The following GALNTL6 variants were observed in gnomAD, a reference collection of about 807,000 sequenced individuals.
GALNTL6 encodes polypeptide N-acetylgalactosaminyltransferase-like 6.
A neutral mutation model predicts 73.7 loss-of-function variants in GALNTL6; 46 were observed. That is an observed-to-expected ratio of 0.62 (90% CI 0.49 to 0.80). GALNTL6 has a LOEUF of 0.80. GALNTL6 is among the 30% of genes least tolerant of loss of function. The probability of loss-of-function intolerance (pLI) is 0.00; values close to 1 mark genes in which losing one functional copy is unlikely to be tolerated. For missense variants in GALNTL6, 604 were observed against 755.0 expected (o/e 0.80, Z 2.34); for synonymous variants, 259 against 263.7 (o/e 0.98, Z 0.17).
chr4:172,484,833 A>G (rs1733614243), intron 5 of GALNTL6, among the ~76,000 whole-genome samples: 1 of 152,184 alleles, frequency 6.6e-6, no homozygotes. Context: ...AGAATTAGAA[A>G]TAGGACTCAA....
At chr4:172,646,250 T>A (rs1397650834) in intron 5 of GALNTL6, among the ~76,000 whole-genome samples, 1 of 152,078 alleles carries the variant, frequency 6.6e-6, no homozygotes. Flanking sequence ...TAGAAAAGAT[T>A]GGGGTTTTGA....
chr4:173,023,637 G>C (rs1175525952), intron 12 of GALNTL6, among the ~76,000 whole-genome samples: 1 of 151,900 alleles, frequency 6.6e-6, no homozygotes, highest in Non-Finnish European at 1.5e-5. Context: ...ACTCCAGCCT[G>C]GGCGACAAGA....
intron 5 of GALNTL6, among the ~76,000 whole-genome samples, chr4:172,799,794 C>T (rs545755918): frequency 6.6e-6 from 1 of 152,284 alleles, no homozygotes; most frequent in South Asian, 2.1e-4. Flanking sequence ...TGAAAGCAAT[C>T]TCTTGAAGAG....
chr4:172,345,587 C>A (rs1207944565), intron 4 of GALNTL6, among the ~76,000 whole-genome samples: 6 of 152,076 alleles, frequency 3.9e-5, no homozygotes, highest in Admixed American at 2.6e-4. Context: ...CCTATTTGAC[C>A]AGCACATTGA....
chr4:172,725,599 A>G (rs190223553), intron 5 of GALNTL6, among the ~76,000 whole-genome samples: 58 of 152,342 alleles, frequency 3.8e-4, no homozygotes, highest in Admixed American at 6.5e-4. Context: ...TAAGATAAAA[A>G]TTGGGTTGAA....
In GALNTL6 at chr4:172,354,720, T is replaced by C. The variant is rs73868975; in HGVS notation, c.553+6031T>C. ...CACCAGTAGCAGAATATGCTTGGAG[T>C]AGAATCTGTCTCAGAAGAAAAGCAC... On this transcript the variant is annotated intron_variant, in intron 5 of 12. Coordinates refer to ENST00000506823, the MANE Select transcript of GALNTL6 (RefSeq NM_001034845.3). Among the ~76,000 whole-genome samples the C allele has an allele frequency of 9.2e-3, 1,403 of 152,210 alleles. 26 individuals carry two copies. Among genetic ancestry groups the C allele is most frequent in the African/African-American group, 0.032 (1,335 of 41,554 alleles).
chr4:172,634,452 G>A (rs1739559825), intron 5 of GALNTL6, among the ~76,000 whole-genome samples: 1 of 152,082 alleles, frequency 6.6e-6, no homozygotes, highest in South Asian at 2.1e-4. Context: ...GAGCTAAGCA[G>A]CTCTGGAACC....
At chr4:172,397,650 T>C (rs1743897100) in intron 5 of GALNTL6, among the ~76,000 whole-genome samples, 1 of 152,078 alleles carries the variant, frequency 6.6e-6, no homozygotes, top group Admixed American at 6.6e-5. Context: ...CGGTCTCTGC[T>C]CACCGCAACC....
chr4:172,907,578 C>G (rs1746967170), intron 8 of GALNTL6, among the ~76,000 whole-genome samples: 1 of 152,220 alleles, frequency 6.6e-6, no homozygotes, highest in African/African-American at 2.4e-5. Flanking sequence ...GTAGATCCCC[C>G]TTATCCATGT....
At chr4:172,208,420 G>T (rs28477989) in intron 2 of GALNTL6, among the ~76,000 whole-genome samples, 1 of 152,014 alleles carries the variant, frequency 6.6e-6, no homozygotes. Context: ...AAAGAAAATC[G>T]TTTAACTATG....
chr4:172,311,799 T>A (rs754977824), intron 4 of GALNTL6, 47 bp downstream of exon 4: 1 of 1,366,724 alleles, frequency 7.3e-7, no homozygotes, highest in Non-Finnish European at 9.7e-7. Flanking sequence ...TTTGGTTTTT[T>A]TTGTCCTTTG....
intron 2 of GALNTL6, among the ~76,000 whole-genome samples, chr4:171,854,181 G>A (rs113455744): frequency 9.9e-5 from 15 of 152,208 alleles, no homozygotes; most frequent in African/African-American, 3.6e-4. Flanking sequence ...CAGGGAAGCG[G>A]GCAGTGTTCA....
chr4:172,236,754 T>G (rs1239978991), intron 3 of GALNTL6, among the ~76,000 whole-genome samples: 1 of 39,336 alleles, frequency 2.5e-5, no homozygotes, highest in Non-Finnish European at 5.3e-5. Context: ...AGGTATACAT[T>G]TGCAGGTTGA....
At chr4:172,586,209 A>G (rs1295495464) in intron 5 of GALNTL6, among the ~76,000 whole-genome samples, 1 of 152,226 alleles carries the variant, frequency 6.6e-6, no homozygotes, top group African/African-American at 2.4e-5. Context: ...ATCCCTTGCC[A>G]CATATTAAAG....
chr4:172,687,595 T>C (rs1193364743), intron 5 of GALNTL6, among the ~76,000 whole-genome samples: 1 of 138,910 alleles, frequency 7.2e-6, no homozygotes, highest in Non-Finnish European at 1.5e-5. Context: ...GCCACTGCAC[T>C]CCAGCCTGAG....
chr4:171,862,300 T>C (rs1041022075), intron 2 of GALNTL6, among the ~76,000 whole-genome samples: 3 of 152,160 alleles, frequency 2.0e-5, no homozygotes, highest in Admixed American at 6.5e-5. Context: ...TCTTTGGTAG[T>C]AGTTTTTCAT....
At chr4:172,668,643 A>G (rs1731800889) in intron 5 of GALNTL6, 1 of 152,082 alleles carries the variant, frequency 6.6e-6, no homozygotes, top group African/African-American at 2.4e-5. Context: ...GGTACTTCAA[A>G]TTAGCTTCAC....
At chr4:172,995,512 T>C (rs990882731) in intron 10 of GALNTL6, among the ~76,000 whole-genome samples, 4 of 152,222 alleles carry the variant, frequency 2.6e-5, no homozygotes, top group African/African-American at 9.6e-5. Context: ...TCCCGTAGAT[T>C]CTTTCTCCCA....
At chr4:172,865,661 G>T (rs1208691928) in intron 7 of GALNTL6, among the ~76,000 whole-genome samples, 2 of 151,834 alleles carry the variant, frequency 1.3e-5, no homozygotes, top group East Asian at 1.9e-4. Context: ...AAATACTTTA[G>T]CCCATTTTAT....
Sources: gnomAD v4.1 joint callset for allele counts (sites outside exome capture counted in the v4.1 genomes callset) on GRCh38, gnomAD v4.1.1 for gene constraint, MANE v1.5 for transcripts, NCBI Gene and HGNC (gene_info 2026-07-23, HGNC 2026-07-21) for gene names.